Variants in TAFA1 observed in about 807,000 individuals in gnomAD.
TAFA1 encodes the protein TAFA chemokine like family member 1.
Under a neutral mutation model 18.5 loss-of-function variants are expected in TAFA1, and 4 were observed. That is an observed-to-expected ratio of 0.22 (90% CI 0.11 to 0.49). TAFA1 has a LOEUF of 0.49. Ranked by LOEUF, TAFA1 falls within the 20% of genes least tolerant of loss-of-function variation. The pLI is 0.98. For synonymous variants in TAFA1, 56 were observed against 55.2 expected (o/e 1.01, Z -0.06); for missense variants, 147 against 169.0 (o/e 0.87, Z 0.72).
At chr3:68,469,760 G>A (rs1201282900) in intron 3 of TAFA1, among the ~76,000 whole-genome samples, 1 of 152,172 alleles carries the variant, frequency 6.6e-6, no homozygotes, top group Non-Finnish European at 1.5e-5. Context: ...TGGCTTTGAT[G>A]TTAGATAACT....
At position 68,009,407 on chromosome 3, in the gene TAFA1, A is replaced by G. The variant is rs150500566; in HGVS notation, c.118+2663A>G. 7.4e-3 allele frequency among the ~76,000 whole-genome samples: 1,130 copies of G among 152,318 alleles called. 14 individuals are homozygous for G. The highest frequency in any genetic ancestry group is 0.026 in the African/African-American group (1,061 of 41,576). On this transcript the variant is annotated intron_variant, in intron 2 of 4. Coordinates refer to ENST00000478136, the MANE Select transcript of TAFA1 (RefSeq NM_213609.4). ...TAGGTTCTGGCTGAAATTAAACTCA[A>G]TATTTGTTTTCTCCATTTTCTTCCT...
At chr3:68,345,219 T>C (rs2106761720) in intron 2 of TAFA1, among the ~76,000 whole-genome samples, 1 of 152,196 alleles carries the variant, frequency 6.6e-6, no homozygotes, top group Admixed American at 6.5e-5. Context: ...TTCCCACAGA[T>C]TGGTCACCAA....
At chr3:68,369,187 G>GCACA (rs150116171) in intron 2 of TAFA1, among the ~76,000 whole-genome samples, 8 of 151,020 alleles carry the variant, frequency 5.3e-5, no homozygotes, top group South Asian at 2.1e-4. Flanking sequence ...GTTGGTGCAG[G>GCACA]CACACACACA....
intron 2 of TAFA1, among the ~76,000 whole-genome samples, chr3:68,209,802 C>A (rs973935880): frequency 6.6e-6 from 1 of 151,958 alleles, no homozygotes; most frequent in Non-Finnish European, 1.5e-5. Flanking sequence ...AATACAAATA[C>A]AGCTATAATA....
intron 2 of TAFA1, among the ~76,000 whole-genome samples, chr3:68,094,202 T>G (rs2065060335): frequency 1.3e-5 from 2 of 152,082 alleles, no homozygotes; most frequent in South Asian, 4.1e-4. Flanking sequence ...ATATGATACC[T>G]AAAAAAACTC....
At chr3:68,224,795 T>G (rs1243962376) in intron 2 of TAFA1, among the ~76,000 whole-genome samples, 2 of 151,878 alleles carry the variant, frequency 1.3e-5, no homozygotes, top group Admixed American at 6.6e-5. Flanking sequence ...CAAAAGGAGA[T>G]TCTAGACTTT....
chr3:68,201,292 C>T (rs2066467158), intron 2 of TAFA1, among the ~76,000 whole-genome samples: 1 of 151,586 alleles, frequency 6.6e-6, no homozygotes, highest in South Asian at 2.1e-4. Context: ...TATTCTATGA[C>T]CCAGCATGTG....
intron 2 of TAFA1, among the ~76,000 whole-genome samples, chr3:68,124,860 C>T (rs533210322): frequency 6.6e-6 from 1 of 152,302 alleles, no homozygotes; most frequent in South Asian, 2.1e-4. Flanking sequence ...CTTCTGCTGT[C>T]TTAGAGCTTC....
At chr3:68,172,279 G>A (rs2066065152) in intron 2 of TAFA1, among the ~76,000 whole-genome samples, 1 of 152,126 alleles carries the variant, frequency 6.6e-6, no homozygotes, top group Non-Finnish European at 1.5e-5. Context: ...AATTATGGAG[G>A]CTAGGCATGT....
intron 2 of TAFA1, among the ~76,000 whole-genome samples, chr3:68,319,699 C>A (rs1363421212): frequency 2.0e-5 from 3 of 152,128 alleles, no homozygotes; most frequent in Admixed American, 6.6e-5. Context: ...ATGTCCCCAT[C>A]CCAAAATGAA....
chr3:68,301,029 C>T (rs2068295122), intron 2 of TAFA1, among the ~76,000 whole-genome samples: 1 of 152,130 alleles, frequency 6.6e-6, no homozygotes, highest in African/African-American at 2.4e-5. Flanking sequence ...ATCACATACA[C>T]AGAATCGTGT....
rs575387872 is a variant in TAFA1 at position 68,009,289 on chromosome 3, GTTT to G, written c.118+2548_118+2550del. On this transcript the variant is annotated intron_variant, in intron 2 of 4. Coordinates refer to ENST00000478136, the MANE Select transcript of TAFA1 (RefSeq NM_213609.4). ...CTCTCTTAATCAGTGAATATATGGA[GTTT>G]TTCATTGGGGGTTATGTATAATAAG... Among the ~76,000 whole-genome samples, 23 of 152,246 alleles carry G rather than the reference GTTT, an allele frequency of 1.5e-4. 1 individual carries two copies. In the South Asian group the frequency reaches 2.7e-3, roughly 18 times the overall value.
chr3:68,347,710 T>C (rs2069187742), intron 2 of TAFA1, among the ~76,000 whole-genome samples: 1 of 152,238 alleles, frequency 6.6e-6, no homozygotes, highest in African/African-American at 2.4e-5. Flanking sequence ...CAGAAATCAC[T>C]AGCTTTGCCT....
the TAFA1 span, among the ~76,000 whole-genome samples, chr3:67,997,060 A>C: frequency 3.9e-5 from 6 of 152,152 alleles, no homozygotes; most frequent in African/African-American, 1.4e-4. Context: ...TGGAAAAGCA[A>C]GCTGAGTTAG....
chr3:68,144,263 T>C (rs2065708999), intron 2 of TAFA1, among the ~76,000 whole-genome samples: 1 of 152,214 alleles, frequency 6.6e-6, no homozygotes, highest in Admixed American at 6.5e-5. Context: ...TGCCTGTCCA[T>C]GTTGGGCTGG....
intron 2 of TAFA1, among the ~76,000 whole-genome samples, chr3:68,091,278 AG>A (rs1323943853): frequency 2.0e-5 from 3 of 152,226 alleles, no homozygotes; most frequent in African/African-American, 7.2e-5. Flanking sequence ...CTAATAAAGA[AG>A]TATGCCCTTA....
intron 3 of TAFA1, among the ~76,000 whole-genome samples, chr3:68,533,145 G>T (rs982041676): frequency 6.6e-6 from 1 of 151,898 alleles, no homozygotes. Flanking sequence ...TTATGATGCT[G>T]TATTAGTCCG....
intron 2 of TAFA1, among the ~76,000 whole-genome samples, chr3:68,160,517 C>A (rs910818905): frequency 4.6e-5 from 7 of 152,142 alleles, no homozygotes; most frequent in African/African-American, 1.4e-4. Context: ...GGCTAAGTGA[C>A]TCTACAGAAG....
chr3:68,541,968 A>G (rs1316805369), intron 4 of TAFA1, among the ~76,000 whole-genome samples: 1 of 152,212 alleles, frequency 6.6e-6, no homozygotes, highest in East Asian at 1.9e-4. Context: ...TGGTTCATCT[A>G]AACTACCAGA....
Sources: gnomAD v4.1 joint callset for allele counts (sites outside exome capture counted in the v4.1 genomes callset) on GRCh38, gnomAD v4.1.1 for gene constraint, MANE v1.5 for transcripts, NCBI Gene and HGNC (gene_info 2026-07-23, HGNC 2026-07-21) for gene names.